The following CLCN1 variants were observed in gnomAD, a reference collection of about 807,000 sequenced individuals.
CLCN1 encodes chloride channel protein 1.
CLCN1 carries 100 observed loss-of-function variants against 114.5 expected under a neutral mutation model. The observed-to-expected ratio is 0.87, with a 90% CI of 0.74 to 1.03. The LOEUF is 1.03. Ranked by LOEUF, CLCN1 falls within the 50% of genes least tolerant of loss-of-function variation. CLCN1 has a pLI of 0.00. For missense variants in CLCN1, 1,188 were observed against 1,250.0 expected, an observed-to-expected ratio of 0.95 and a Z score of 0.75; for synonymous variants, 485 against 487.1, an observed-to-expected ratio of 1.00 and a Z score of 0.06.
At position 143,332,829 on chromosome 7, in the gene CLCN1, C is replaced by CG; in HGVS notation, c.1360dup (p.Val454GlyfsTer55). 1 of 1,614,118 alleles carries CG rather than the reference C, an allele frequency of 6.2e-7. No homozygotes were observed. The highest frequency in any genetic ancestry group is 1.1e-5 in the South Asian group (1 of 91,084). ...CCAGTCAGCTGTGTGGATTCACCCCCGGGTCAACGTTGTCATCATCATCTT... is the reference window on the plus strand; with the variant it reads ...CCAGTCAGCTGTGTGGATTCACCCCCGGGGTCAACGTTGTCATCATCATCTT... On this transcript the variant is annotated frameshift_variant, in exon 12 of 23. Transcript: ENST00000343257. LOFTEE classifies it high-confidence loss of function.
At position 143,351,894 on chromosome 7, in the gene CLCN1, C is replaced by T. The variant is rs138115069; in HGVS notation, c.2896C>T (p.Leu966=). The part of the protein sequence containing the change: ...LVESPGLEEE[L]ADILQGPSLR... ...GGAGAGTCCAGGGCTGGAAGAGGAG[C>T]TGGCCGACATCTTGCAGGGCCCCAG... is the stretch of plus-strand genomic sequence containing the variant. The change falls in exon 23 of 23, where the codon CTG becomes TTG. Residue 966 remains leucine (L), a synonymous_variant. Coordinates refer to ENST00000343257, the MANE Select transcript of CLCN1 (RefSeq NM_000083.3). 6.8e-6 allele frequency: 11 copies of T among 1,613,956 alleles called. No homozygotes were observed. In the African/African-American group the frequency reaches 1.5e-4, roughly 22 times the overall value.
intron 12 of CLCN1, among the ~76,000 whole-genome samples, chr7:143,333,276 G>C (rs567077502): frequency 2.7e-5 from 4 of 150,814 alleles, no homozygotes; most frequent in Non-Finnish European, 5.9e-5. Context: ...ACTCCAGCCT[G>C]GGTGACAGAG....
intron 10 of CLCN1, 107 bp from the exon 11 acceptor site, chr7:143,332,312 G>C: frequency 2.3e-6 from 2 of 885,266 alleles, no homozygotes; most frequent in South Asian, 2.6e-5. Context: ...TTCATTTAAA[G>C]AAATGAGACT....
rs920755221 is a variant in CLCN1 at position 143,350,144 on chromosome 7, G to A, written c.2404-228G>A. Among the ~76,000 whole-genome samples the A allele has an allele frequency of 6.6e-6, 1 of 152,090 alleles. No individual in the cohort carries two copies. Among genetic ancestry groups the A allele is most frequent in the Non-Finnish European group, 1.5e-5 (1 of 68,008 alleles). On this transcript the variant is annotated intron_variant, in intron 20 of 22. Transcript: ENST00000343257. This position sits in a 1 kb window ranked among gnomAD's most constrained non-coding sequence, Gnocchi z 5.1. The stretch of plus-strand genomic sequence containing the variant: ...AGCCTAGAAGAGGGAGGGGTGTTCT[G>A]GGTACCTGGGGGTTGCAGGGTAGGT...
intron 16 of CLCN1, among the ~76,000 whole-genome samples, chr7:143,343,777 T>C (rs1273253812): frequency 6.6e-6 from 1 of 151,004 alleles, no homozygotes; most frequent in African/African-American, 2.4e-5. Context: ...CCTCTTTCCC[T>C]CTCTCTCTCT....
intron 6 of CLCN1, chr7:143,323,887 C>T: frequency 2.1e-6 from 1 of 471,168 alleles, no homozygotes; most frequent in South Asian, 1.5e-5. Flanking sequence ...GCTTTGCAGC[C>T]CCTGTCGGAG....
rs763191456 is a variant in CLCN1 at position 143,324,504 on chromosome 7, AC to A, written c.853+17del. On this transcript the variant is annotated intron_variant, in intron 7 of 22. Coordinates refer to ENST00000343257, the MANE Select transcript of CLCN1 (RefSeq NM_000083.3). The surrounding 1 kb of genome is among the most constrained non-coding windows in gnomAD (Gnocchi z 4.6). ...GACACCACTTGGAGGCAAGTGATTG[AC>A]CCCCTCCCCCATCAATCGGCTTGCC... 6.9e-6 allele frequency: 11 copies of A among 1,604,050 alleles called. No individual in the cohort carries two copies. In the African/African-American group the frequency reaches 1.2e-4, roughly 18 times the overall value.
intron 20 of CLCN1, among the ~76,000 whole-genome samples, chr7:143,347,577 C>T (rs935812014): frequency 1.4e-5 from 2 of 144,002 alleles, no homozygotes; most frequent in Non-Finnish European, 3.0e-5. Flanking sequence ...GCAGAGACTG[C>T]ACCACTGCAC....
chr7:143,326,344 A>T (rs984742360), intron 7 of CLCN1, among the ~76,000 whole-genome samples: 14 of 152,052 alleles, frequency 9.2e-5, no homozygotes, highest in Admixed American at 9.2e-4. Flanking sequence ...TGAGGTATTC[A>T]TTATGGAGTC....
chr7:143,345,463 C>G (rs543780953), intron 16 of CLCN1, 58 bp from the exon 17 acceptor site: 6 of 1,479,010 alleles, frequency 4.1e-6, no homozygotes, highest in Non-Finnish European at 5.4e-6. Flanking sequence ...GAGTGCGGAG[C>G]GCGGTGGTGC....
chr7:143,317,327 C>T (rs557633892), intron 1 of CLCN1, among the ~76,000 whole-genome samples: 69 of 146,314 alleles, frequency 4.7e-4, no homozygotes, highest in African/African-American at 1.6e-3. Flanking sequence ...TGGCTCACTG[C>T]GACCTCCGCC....
intron 12 of CLCN1, among the ~76,000 whole-genome samples, chr7:143,337,940 C>T (rs914633489): frequency 8.0e-5 from 12 of 150,128 alleles, no homozygotes; most frequent in Non-Finnish European, 1.5e-4. Context: ...CATTCTCCTG[C>T]CTCAGCCTCC....
intron 7 of CLCN1, among the ~76,000 whole-genome samples, chr7:143,326,319 A>G (rs2116845478): frequency 6.6e-6 from 1 of 152,286 alleles, no homozygotes; most frequent in African/African-American, 2.4e-5. Context: ...TCTGAAAGGA[A>G]AATTAGTATC....
Position 143,342,524 on chromosome 7 carries a change from G to T in CLCN1, c.1930+19G>T. On this transcript the variant is annotated intron_variant, in intron 16 of 22. Transcript: ENST00000343257. ...TCAAAAGGTCAGTGGGGAGGAAGAAGTCGACTCCAGAGCTAGTGACCTGAA... is the reference window on the plus strand; with the variant it reads ...TCAAAAGGTCAGTGGGGAGGAAGAATTCGACTCCAGAGCTAGTGACCTGAA... 3 of 1,613,948 alleles carry T rather than the reference G, an allele frequency of 1.9e-6. No homozygotes were observed. The highest frequency in any genetic ancestry group is 2.5e-6 in the Non-Finnish European group (3 of 1,179,866).
rs986558615 is a variant in CLCN1, at chr7:143,321,900, G to C, written c.696+52G>C. 1 of 1,597,964 alleles carries C rather than the reference G, an allele frequency of 6.3e-7. No individual in the cohort carries two copies. The highest frequency in any genetic ancestry group is 8.5e-7 in the Non-Finnish European group (1 of 1,171,528). ...GCTGGGAGGGGCCCTCAGGAGCCAG[G>C]GTGGCACCAACTCTAGAGGGAGCTC... On this transcript the variant is annotated intron_variant, in intron 5 of 22. Transcript: ENST00000343257. The surrounding 1 kb of genome is among the most constrained non-coding windows in gnomAD (Gnocchi z 4.2).
rs59572880 is a variant in CLCN1, at chr7:143,320,553, TTCTCTCTCTCTCTC to T, written c.302-91_302-78del. On this transcript the variant is annotated intron_variant, in intron 2 of 22. Coordinates refer to ENST00000343257, the MANE Select transcript of CLCN1 (RefSeq NM_000083.3). ...TAAAGTAGTGACTCGTTAGCTGCTT[TTCTCTCTCTCTCTC>T]TCTCTCTCTCTCTCTCTCTGTCTCT... 1.8e-5 allele frequency: 12 copies of T among 672,512 alleles called. No individual in the cohort carries two copies. The Admixed American group carries it at 1.9e-4, about 11-fold the overall frequency. 41.7% of individuals were successfully genotyped at this position (672,512 alleles called of 1,614,324 possible).
Position 143,342,071 on chromosome 7 carries a change from C to G in CLCN1, c.1725C>G (p.Pro575=), listed in dbSNP as rs375429433. 4.3e-6 allele frequency: 7 copies of G among 1,614,162 alleles called. No homozygotes were observed. The East Asian group carries it at 1.6e-4, about 36-fold the overall frequency. The change falls in exon 15 of 23, where the codon CCC becomes CCG. Residue 575 remains proline (P), a synonymous_variant. Coordinates refer to ENST00000343257, the MANE Select transcript of CLCN1 (RefSeq NM_000083.3). The part of the protein sequence containing the change: ...LANMVAQSLQ[P]SLYDSIIQVK... ...ACATGGTGGCCCAGAGCCTGCAGCC[C>G]TCTCTCTATGACAGCATCATCCAGG... is the stretch of plus-strand genomic sequence containing the variant.
In CLCN1 at chr7:143,331,215, G is replaced by T. The variant is rs750881030; in HGVS notation, c.980-17G>T. Reference sequence around the variant, plus strand: ...CTACGAAGCTCCCATCGTAATACTGGCCTTTCCATCCTACAGTCACCATCA... The same window carrying T: ...CTACGAAGCTCCCATCGTAATACTGTCCTTTCCATCCTACAGTCACCATCA... On this transcript the variant is annotated splice_polypyrimidine_tract_variant and intron_variant, in intron 8 of 22. Transcript: ENST00000343257. 6.3e-7 allele frequency: 1 copy of T among 1,577,808 alleles called. No individual in the cohort carries two copies. Among genetic ancestry groups the T allele is most frequent in the East Asian group, 2.2e-5 (1 of 44,712 alleles).
In CLCN1 at chr7:143,352,018, G is replaced by A. The variant is rs747363703; in HGVS notation, c.*53G>A. On this transcript the variant is annotated 3_prime_UTR_variant, in exon 23 of 23. Coordinates refer to ENST00000343257, the MANE Select transcript of CLCN1 (RefSeq NM_000083.3). ...CCGTGGAGAGGCCCAGCCTGAGGGT[G>A]AACTTGTGTGGGGCAGGGTGCGTCC... The A allele has an allele frequency of 3.2e-5, 52 of 1,610,740 alleles. No homozygotes were observed. In the Admixed American group the frequency reaches 7.7e-4, roughly 24 times the overall value.
Sources: gnomAD v4.1 joint callset for allele counts (sites outside exome capture counted in the v4.1 genomes callset) on GRCh38, gnomAD v4.1.1 for gene constraint, Gnocchi (gnomAD v3.1) non-coding constraint, MANE v1.5 for transcripts, NCBI Gene and HGNC (gene_info 2026-07-23, HGNC 2026-07-21) for gene names.